Variants in HAPLN4 observed in about 807,000 individuals in gnomAD.
HAPLN4 encodes the protein brain link protein 2.
A neutral mutation model predicts 28.0 loss-of-function variants in HAPLN4; 19 were observed. The observed-to-expected ratio is 0.68, with a 90% CI of 0.47 to 1.00. The LOEUF is 1.00. Among genes scored for constraint, HAPLN4 ranks in the 50% least tolerant of loss-of-function variants. HAPLN4 has a pLI of 0.00. For missense variants in HAPLN4, 587 were observed against 602.6 expected (o/e 0.97, Z 0.27); for synonymous variants, 274 against 273.0 (o/e 1.00, Z -0.03).
chr19:19,255,284 C>T lies in HAPLN4; in HGVS notation c.*2533G>A, dbSNP rs2060962224. 6.6e-6 allele frequency: 1 copy of T among 152,266 alleles called. No individual in the cohort carries two copies. Among genetic ancestry groups the T allele is most frequent in the South Asian group, 2.1e-4 (1 of 4,834 alleles). The allele number at this position is 152,266 out of a possible 1,614,324, so 9.4% of individuals were successfully genotyped here. On this transcript the variant is annotated 3_prime_UTR_variant, in exon 5 of 5. Transcript: ENST00000291481. ...GCCCGGCCAGGCGCAGTGGCTCACA[C>T]CTGTAACCCCAACACTTTGGGAGGC...
chr19:19,258,064 C>G lies in HAPLN4; in HGVS notation c.962G>C (p.Gly321Ala), dbSNP rs753172043. 6.4e-7 allele frequency: 1 copy of G among 1,553,184 alleles called. No individual in the cohort carries two copies. Among genetic ancestry groups the G allele is most frequent in the South Asian group, 1.2e-5 (1 of 85,786 alleles). ...GCGCGCACTGCCATCGGCCAGCCAA[C>G]CCGCGGTGCAGCGGTCTAGCAGCTG... is the stretch of plus-strand genomic sequence containing the variant. Reference protein sequence around the residue: ...KLQLLDRCTAGWLADGSARYP... With the variant: ...KLQLLDRCTAAWLADGSARYP... The change falls in exon 5 of 5, where the codon GGT becomes GCT. Residue 321 changes from glycine to alanine, a missense_variant. Gly to Ala is a moderately conservative substitution (Grantham distance 60). Transcript: ENST00000291481. The surrounding 1 kb of genome is among the most constrained non-coding windows in gnomAD (Gnocchi z 6.2).
At position 19,261,071 on chromosome 19, in the gene HAPLN4, C is replaced by A; in HGVS notation, c.226G>T (p.Ala76Ser). The A allele has an allele frequency of 1.2e-6, 2 of 1,612,882 alleles. No homozygotes were observed. Among genetic ancestry groups the A allele is most frequent in the African/African-American group, 1.3e-5 (1 of 75,040 alleles). Residue 76 changes from alanine to serine, a missense_variant, in exon 3 of 5, where the codon GCC (alanine) becomes TCC (serine). Physicochemically the swap from Ala to Ser is moderately conservative, Grantham distance 99. Coordinates refer to ENST00000291481, the MANE Select transcript of HAPLN4 (RefSeq NM_023002.3). Reference protein sequence around the residue: ...LPCRYHYEAAAHGHDGVRLKW... With the variant: ...LPCRYHYEAASHGHDGVRLKW... Reference sequence around the variant, plus strand: ...AGCCGGACGCCGTCGTGACCGTGGGCGGCTGCCTCATAGTGGTAGCGGCAG... The same window carrying A: ...AGCCGGACGCCGTCGTGACCGTGGGAGGCTGCCTCATAGTGGTAGCGGCAG...
At position 19,261,571 on chromosome 19, in the gene HAPLN4, G is replaced by T; in HGVS notation, c.4-8C>A. On this transcript the variant is annotated splice_polypyrimidine_tract_variant and splice_region_variant and intron_variant, in intron 1 of 4. Coordinates refer to ENST00000291481, the MANE Select transcript of HAPLN4 (RefSeq NM_023002.3). Reference sequence around the variant, plus strand: ...GGCCGCCCGAGCGCACACCTGGGGGGCGGGCACGGGGCGCTCAGTCCAGCC... The same window carrying T: ...GGCCGCCCGAGCGCACACCTGGGGGTCGGGCACGGGGCGCTCAGTCCAGCC... 6.8e-7 allele frequency: 1 copy of T among 1,469,958 alleles called. No individual in the cohort carries two copies. The allele number at this position is 1,469,958 out of a possible 1,614,324, so 91.1% of individuals were successfully genotyped here.
chr19:19,262,791 A>G lies in HAPLN4; in HGVS notation c.-59T>C. On this transcript the variant is annotated 5_prime_UTR_variant, in exon 1 of 5. Coordinates refer to ENST00000291481, the MANE Select transcript of HAPLN4 (RefSeq NM_023002.3). ...CGCACCCGGACTGCGCTCCCCGCACACCCGGTTAAGACTGGGCAGGTCCCT... is the reference window on the plus strand; with the variant it reads ...CGCACCCGGACTGCGCTCCCCGCACGCCCGGTTAAGACTGGGCAGGTCCCT... The G allele has an allele frequency of 6.3e-7, 1 of 1,589,346 alleles. No individual in the cohort carries two copies. The highest frequency in any genetic ancestry group is 8.6e-7 in the Non-Finnish European group (1 of 1,166,312).
In HAPLN4 at chr19:19,257,816, C is replaced by A; in HGVS notation, c.*1G>T. The stretch of plus-strand genomic sequence containing the variant: ...GCCCTGGCTGTCCGCCTACTCCCAG[C>A]CTAGACGTGCAGAGGGGTCCAGGCA... On this transcript the variant is annotated 3_prime_UTR_variant, in exon 5 of 5. Coordinates refer to ENST00000291481, the MANE Select transcript of HAPLN4 (RefSeq NM_023002.3). The A allele has an allele frequency of 7.1e-7, 1 of 1,402,326 alleles. No homozygotes were observed. Among genetic ancestry groups the A allele is most frequent in the Non-Finnish European group, 9.2e-7 (1 of 1,086,824 alleles). The allele number at this position is 1,402,326 out of a possible 1,614,324, so 86.9% of individuals were successfully genotyped here. A position where few individuals can be genotyped will look rare whatever the true frequency, so the allele number is the denominator to read the frequency against.
At position 19,258,032 on chromosome 19, in the gene HAPLN4, T is replaced by C. The variant is rs1288415309; in HGVS notation, c.994A>G (p.Ile332Val). The C allele has an allele frequency of 1.3e-6, 2 of 1,533,476 alleles. No homozygotes were observed. Among genetic ancestry groups the C allele is most frequent in the Non-Finnish European group, 1.7e-6 (2 of 1,145,730 alleles). 95.0% of individuals were successfully genotyped at this position (1,533,476 alleles called of 1,614,324 possible). A position where few individuals can be genotyped will look rare whatever the true frequency, so the allele number is the denominator to read the frequency against. The change falls in exon 5 of 5, where the codon ATC (isoleucine) becomes GTC (valine). Residue 332 changes from isoleucine to valine, a missense_variant. Ile to Val is a conservative substitution (Grantham distance 29, BLOSUM62 3). Coordinates refer to ENST00000291481, the MANE Select transcript of HAPLN4 (RefSeq NM_023002.3). The surrounding 1 kb of genome is among the most constrained non-coding windows in gnomAD (Gnocchi z 6.2). ...WLADGSARYP[I>V]VNPRARCGGR... ...CCGCAGCGCGCTCGCGGGTTCACGATGGGGTAGCGCGCACTGCCATCGGCC... is the reference window on the plus strand; with the variant it reads ...CCGCAGCGCGCTCGCGGGTTCACGACGGGGTAGCGCGCACTGCCATCGGCC...
At chr19:19,260,767 C>A (rs759417047) in intron 3 of HAPLN4, 46 bp downstream of exon 3, 5 of 1,578,878 alleles carry the variant, frequency 3.2e-6, no homozygotes, top group East Asian at 4.5e-5. Flanking sequence ...TCCCCGCCCC[C>A]CTCCTTCCTC....
At chr19:19,261,593 A>AGGCCTG in intron 1 of HAPLN4, 30 bp from the exon 2 acceptor site, 6 of 1,384,366 alleles carry the variant, frequency 4.3e-6, no homozygotes, top group Non-Finnish European at 5.7e-6. Flanking sequence ...CGCTCAGTCC[A>AGGCCTG]GCCTCCCAGC....
At position 19,258,599 on chromosome 19, in the gene HAPLN4, C is replaced by G. The variant is rs561267955; in HGVS notation, c.741G>C (p.Gly247=). The change falls in exon 4 of 5, where the codon GGG becomes GGC. Residue 247 remains glycine (G), a synonymous_variant. Transcript: ENST00000291481. This position sits in a 1 kb window ranked among gnomAD's most constrained non-coding sequence, Gnocchi z 6.2. ...GSAGGGGDAN[G]GLRNYGYRHN... is the part of the protein sequence containing the mutation. The stretch of plus-strand genomic sequence containing the variant: ...GGCGATACCCGTAGTTGCGCAGGCC[C>G]CCGTTGGCATCACCGCCGCCCCCTG... 3 of 1,613,636 alleles carry G rather than the reference C, an allele frequency of 1.9e-6. No homozygotes were observed. In the East Asian group the frequency reaches 6.7e-5, roughly 36 times the overall value.
In HAPLN4 at chr19:19,256,504, C is replaced by T. The variant is rs55796368; in HGVS notation, c.*1313G>A. Reference sequence around the variant, plus strand: ...GGCAACAGCTTGGTGAACAGGGCCCCGTTGTCCACAAGGAAAAGCCTAGGG... The same window carrying T: ...GGCAACAGCTTGGTGAACAGGGCCCTGTTGTCCACAAGGAAAAGCCTAGGG... On this transcript the variant is annotated 3_prime_UTR_variant, in exon 5 of 5. Coordinates refer to ENST00000291481, the MANE Select transcript of HAPLN4 (RefSeq NM_023002.3). The T allele has an allele frequency of 0.02, 2,984 of 152,694 alleles. 49 individuals are homozygous for T. The highest frequency in any genetic ancestry group is 0.029 in the Non-Finnish European group (1,942 of 68,044). The allele number at this position is 152,694 out of a possible 1,614,324, so 9.5% of individuals were successfully genotyped here.
chr19:19,258,840 T>C lies in HAPLN4; in HGVS notation c.500A>G (p.Tyr167Cys), dbSNP rs2060975190. The C allele has an allele frequency of 1.3e-6, 2 of 1,565,506 alleles. No homozygotes were observed. The highest frequency in any genetic ancestry group is 3.6e-5 in the Admixed American group (2 of 55,270). ...CTTGTATCGGCCTCCACGGGGGTGG[T>C]AGGGAAAGACCACGCCTGGCGGGGG... Reference protein sequence around the residue: ...KLDLEGVVFPYHPRGGRYKLT... With the variant: ...KLDLEGVVFPCHPRGGRYKLT... Residue 167 changes from tyrosine to cysteine, a missense_variant, in exon 4 of 5, where the codon TAC (tyrosine) becomes TGC (cysteine). Coordinates refer to ENST00000291481, the MANE Select transcript of HAPLN4 (RefSeq NM_023002.3). The surrounding 1 kb of genome is among the most constrained non-coding windows in gnomAD (Gnocchi z 6.2).
chr19:19,260,819 G>T lies in HAPLN4; in HGVS notation c.478C>A (p.Leu160Met). Residue 160 changes from leucine to methionine, a missense_variant, in exon 3 of 5, where the codon CTG becomes ATG. Leu to Met is a conservative substitution (Grantham distance 15). Coordinates refer to ENST00000291481, the MANE Select transcript of HAPLN4 (RefSeq NM_023002.3). ...EDDAGMVKLD[L>M]EGVVFPYHPR... Reference sequence around the variant, plus strand: ...CTCCCCACCGGCTGATCACCTTCCAGGTCCAGCTTGACCATGCCAGCGTCA... The same window carrying T: ...CTCCCCACCGGCTGATCACCTTCCATGTCCAGCTTGACCATGCCAGCGTCA... 1 of 1,607,662 alleles carries T rather than the reference G, an allele frequency of 6.2e-7. No individual in the cohort carries two copies. The highest frequency in any genetic ancestry group is 8.5e-7 in the Non-Finnish European group (1 of 1,174,748).
In HAPLN4 at chr19:19,258,571, T is replaced by TA; in HGVS notation, c.768dup (p.Asn257Ter). 1 of 1,613,692 alleles carries TA rather than the reference T, an allele frequency of 6.2e-7. No homozygotes were observed. The highest frequency in any genetic ancestry group is 8.5e-7 in the Non-Finnish European group (1 of 1,179,870). On this transcript the variant is annotated frameshift_variant, in exon 4 of 5. Transcript: ENST00000291481. LOFTEE classifies it low-confidence loss of function (END_TRUNC). This position sits in a 1 kb window ranked among gnomAD's most constrained non-coding sequence, Gnocchi z 6.2. ...AAGGCGTCGTAGCGTTCCTCGGCGTTATGGCGATACCCGTAGTTGCGCAGG... is the reference window on the plus strand; with the variant it reads ...AAGGCGTCGTAGCGTTCCTCGGCGTTAATGGCGATACCCGTAGTTGCGCAGG...
At chr19:19,262,266 GGAGA>G (rs1024956408) in intron 1 of HAPLN4, among the ~76,000 whole-genome samples, 7 of 147,236 alleles carry the variant, frequency 4.8e-5, no homozygotes, top group African/African-American at 1.3e-4. Context: ...AGAAGCAGAG[GGAGA>G]GAGAGAGAGG....
rs761093488 is a variant in HAPLN4, at chr19:19,261,547, G to A, written c.20C>T (p.Ala7Val). 5 of 1,555,688 alleles carry A rather than the reference G, an allele frequency of 3.2e-6. No individual in the cohort carries two copies. The South Asian group carries it at 3.6e-5, about 11-fold the overall frequency. Residue 7 changes from alanine (A) to valine (V), a missense_variant, in exon 2 of 5, where the codon GCC becomes GTC. Transcript: ENST00000291481. MVCARA[A>V]LGPGALWAAA... The stretch of plus-strand genomic sequence containing the variant: ...GGCCCAGAGCGCGCCGGGACCGAGG[G>A]CCGCCCGAGCGCACACCTGGGGGGC...
chr19:19,260,988 G>A lies in HAPLN4; in HGVS notation c.309C>T (p.Gly103=), dbSNP rs1294673815. ...AGCTGCCGAATGCCCGGTGCTGGGG[G>A]CCTAGTGCCACGAAGACGTCGGTGA... ...LAFTDVFVAL[G]PQHRAFGSYR... is the part of the protein sequence containing the mutation. Residue 103 remains glycine (G), a synonymous_variant, in exon 3 of 5, where the codon GGC becomes GGT. Coordinates refer to ENST00000291481, the MANE Select transcript of HAPLN4 (RefSeq NM_023002.3). 1.9e-6 allele frequency: 3 copies of A among 1,613,626 alleles called. No individual in the cohort carries two copies. Among genetic ancestry groups the A allele is most frequent in the Admixed American group, 1.7e-5 (1 of 60,012 alleles).
In HAPLN4 at chr19:19,261,120, G is replaced by A; in HGVS notation, c.177C>T (p.His59=). 5 of 1,611,208 alleles carry A rather than the reference G, an allele frequency of 3.1e-6. No individual in the cohort carries two copies. The South Asian group carries it at 3.3e-5, about 11-fold the overall frequency. ...VQTAPGQVVS[H]RGGTIVLPCR... The stretch of plus-strand genomic sequence containing the variant: ...AGGGCAAGACGATGGTGCCACCACG[G>A]TGGCTTACCACCTGCCCAGGCGCTG... Residue 59 remains histidine (H), a synonymous_variant, in exon 3 of 5, where the codon CAC becomes CAT. Coordinates refer to ENST00000291481, the MANE Select transcript of HAPLN4 (RefSeq NM_023002.3).
At chr19:19,261,388 C>A (rs1267911615) in intron 2 of HAPLN4, 58 bp downstream of exon 2, 1 of 1,481,346 alleles carries the variant, frequency 6.8e-7, no homozygotes, top group African/African-American at 1.4e-5. Context: ...TACCCCTCTC[C>A]GCACTTGGCC....
rs779671711 is a variant in HAPLN4 at position 19,257,790 on chromosome 19, C to A, written c.*27G>T. On this transcript the variant is annotated 3_prime_UTR_variant, in exon 5 of 5. Coordinates refer to ENST00000291481, the MANE Select transcript of HAPLN4 (RefSeq NM_023002.3). ...ACAGGGCTCTAGACCAGTGGTCAAG[C>A]GCCCTGGCTGTCCGCCTACTCCCAG... 2.2e-6 allele frequency: 3 copies of A among 1,391,744 alleles called. No individual in the cohort carries two copies. Among genetic ancestry groups the A allele is most frequent in the Admixed American group, 6.3e-5 (2 of 31,974 alleles). The allele number at this position is 1,391,744 out of a possible 1,614,324, so 86.2% of individuals were successfully genotyped here.
Sources: allele counts gnomAD v4.1 joint callset (sites outside exome capture counted in the v4.1 genomes callset), GRCh38; gene constraint gnomAD v4.1.1; non-coding constraint Gnocchi (gnomAD v3.1); transcripts MANE v1.5; gene names NCBI Gene and HGNC (gene_info 2026-07-23, HGNC 2026-07-21).